KIFBP: variants seen among roughly 807,000 people sequenced by gnomAD.
KIFBP encodes KIF-binding protein.
KIFBP carries 46 observed loss-of-function variants against 58.9 expected under a neutral mutation model. That is an observed-to-expected ratio of 0.78 (90% CI 0.62 to 1.00). The LOEUF (loss-of-function observed/expected upper bound fraction) is 1.00, where lower values mean the gene tolerates loss of function less well. Ranked by LOEUF, KIFBP falls within the 50% of genes least tolerant of loss-of-function variation. The probability of loss-of-function intolerance (pLI) is 0.00; values close to 1 mark genes in which losing one functional copy is unlikely to be tolerated. For synonymous variants in KIFBP, 241 were observed against 283.4 expected (o/e 0.85, Z 1.50); for missense variants, 651 against 752.9 (o/e 0.86, Z 1.58).
chr10:69,013,479 T>TG, intron 6 of KIFBP, among the ~76,000 whole-genome samples: 1 of 152,054 alleles, frequency 6.6e-6, no homozygotes, highest in East Asian at 1.9e-4. Context: ...AAAGGAGGGT[T>TG]GCAGGGACTA....
At chr10:68,997,059 A>G (rs1843414862) in intron 1 of KIFBP, among the ~76,000 whole-genome samples, 1 of 152,168 alleles carries the variant, frequency 6.6e-6, no homozygotes, top group African/African-American at 2.4e-5. Flanking sequence ...TTCCGGCTTT[A>G]CAAAATATAT....
intron 6 of KIFBP, 183 bp from the exon 7 acceptor site, chr10:69,015,358 T>G: frequency 1.8e-6 from 1 of 565,662 alleles, no homozygotes; most frequent in Non-Finnish European, 3.1e-6. Context: ...ATTTCTTGAG[T>G]TTTTAATATA....
At chr10:68,996,389 C>T (rs1456535594) in intron 1 of KIFBP, among the ~76,000 whole-genome samples, 6 of 151,824 alleles carry the variant, frequency 4.0e-5, no homozygotes, top group Non-Finnish European at 8.8e-5. Context: ...GGCAAAACCC[C>T]GTCTCTACTA....
Position 68,989,101 on chromosome 10 carries a change from G to C in KIFBP, c.269G>C (p.Arg90Pro). ...GAGCCCGAGGGGCCCGTCGCCCAGC[G>C]AGCGGTGAGGCTGGCAGTCATCGAG... is the stretch of plus-strand genomic sequence containing the variant. ...VVEPEGPVAQ[R>P]AVRLAVIEFH... Residue 90 changes from arginine (R) to proline (P), a missense_variant, in exon 1 of 7, where the codon CGA (arginine) becomes CCA (proline). Arg to Pro is a moderately radical substitution (Grantham distance 103). Transcript: ENST00000361983. 6.2e-7 allele frequency: 1 copy of C among 1,610,706 alleles called. No homozygotes were observed. Among genetic ancestry groups the C allele is most frequent in the Non-Finnish European group, 8.5e-7 (1 of 1,177,920 alleles).
At chr10:69,002,990 T>G in intron 2 of KIFBP, among the ~76,000 whole-genome samples, 1 of 150,084 alleles carries the variant, frequency 6.7e-6, no homozygotes, top group East Asian at 1.9e-4. Context: ...GGAAGATTGC[T>G]TGATGCCAGG....
In KIFBP at chr10:68,988,812, A is replaced by G; in HGVS notation, c.-21A>G. The G allele has an allele frequency of 1.9e-6, 3 of 1,614,266 alleles. No individual in the cohort carries two copies. The highest frequency in any genetic ancestry group is 2.5e-6 in the Non-Finnish European group (3 of 1,180,046). ...AGTCCCGACTGCAAACATTGAGGAAAGCCAGGCAGTAGAGGCCGCTATGGC... is the reference window on the plus strand; with the variant it reads ...AGTCCCGACTGCAAACATTGAGGAAGGCCAGGCAGTAGAGGCCGCTATGGC... On this transcript the variant is annotated 5_prime_UTR_variant, in exon 1 of 7. Coordinates refer to ENST00000361983, the MANE Select transcript of KIFBP (RefSeq NM_015634.4).
intron 4 of KIFBP, among the ~76,000 whole-genome samples, chr10:69,006,502 T>G (rs1423240220): frequency 6.6e-6 from 1 of 152,192 alleles, no homozygotes; most frequent in African/African-American, 2.4e-5. Context: ...TCATAAAAAT[T>G]TAAAAAAGCA....
intron 6 of KIFBP, 170 bp from the exon 7 acceptor site, chr10:69,015,371 C>T (rs1200783442): frequency 3.6e-5 from 21 of 581,928 alleles, no homozygotes; most frequent in Non-Finnish European, 5.0e-5. Flanking sequence ...TTAATATAAT[C>T]GGAAGAAAGA....
chr10:68,993,445 A>G (rs575967381), intron 1 of KIFBP, among the ~76,000 whole-genome samples: 27 of 152,204 alleles, frequency 1.8e-4, no homozygotes, highest in Middle Eastern at 3.4e-3. Context: ...ATTAGGTATT[A>G]TTCCTTTTAA....
rs756876991 is a variant in KIFBP, at chr10:68,988,830, G to C, written c.-3G>C. ...TGAGGAAAGCCAGGCAGTAGAGGCC[G>C]CTATGGCGAACGTTCCGTGGGCAGA... is the stretch of plus-strand genomic sequence containing the variant. On this transcript the variant is annotated 5_prime_UTR_variant, in exon 1 of 7. Transcript: ENST00000361983. The C allele has an allele frequency of 4.3e-6, 7 of 1,614,258 alleles. No individual in the cohort carries two copies. Among genetic ancestry groups the C allele is most frequent in the Middle Eastern group, 1.6e-4 (1 of 6,062 alleles).
rs113759736 is a variant in KIFBP, at chr10:69,011,254, G to A, written c.990+239G>A. 25 of 457,936 alleles carry A rather than the reference G, an allele frequency of 5.5e-5. 1 individual carries two copies. Among genetic ancestry groups the A allele is most frequent in the African/African-American group, 2.4e-4 (12 of 50,662 alleles). The allele number at this position is 457,936 out of a possible 1,614,324, so 28.4% of individuals were successfully genotyped here. On this transcript the variant is annotated intron_variant, in intron 6 of 6. Coordinates refer to ENST00000361983, the MANE Select transcript of KIFBP (RefSeq NM_015634.4). ...TGCACTCCAGCCTGGGCAACAGAGC[G>A]AGACTCCATCTCTAAATAAATAAAT...
At chr10:68,990,617 A>C (rs1442138505) in intron 1 of KIFBP, among the ~76,000 whole-genome samples, 1 of 152,236 alleles carries the variant, frequency 6.6e-6, no homozygotes, top group African/African-American at 2.4e-5. Context: ...TGAAAAAAAG[A>C]AAAATACTTT....
chr10:69,015,731 A>G lies in KIFBP; in HGVS notation c.1181A>G (p.Glu394Gly). 1.2e-6 allele frequency: 2 copies of G among 1,614,204 alleles called. No homozygotes were observed. The highest frequency in any genetic ancestry group is 2.2e-5 in the East Asian group (1 of 44,890). ...CCTTTAGATTTTGAAGAAGCCAGAG[A>G]ACTTTTCTTATTGGGTCAGCACTAT... ...LRPLDFEEAR[E>G]LFLLGQHYVF... The change falls in exon 7 of 7, where the codon GAA (glutamate) becomes GGA (glycine). Residue 394 changes from glutamate (E) to glycine (G), a missense_variant. Glu to Gly is a moderately conservative substitution (Grantham distance 98). Transcript: ENST00000361983.
intron 6 of KIFBP, among the ~76,000 whole-genome samples, chr10:69,011,509 T>C (rs1019496195): frequency 6.7e-6 from 1 of 148,752 alleles, no homozygotes; most frequent in African/African-American, 2.5e-5. Flanking sequence ...TCCTCCCACC[T>C]CATCCTTGGA....
chr10:69,003,271 G>A (rs1050539806), intron 2 of KIFBP, among the ~76,000 whole-genome samples: 2 of 150,040 alleles, frequency 1.3e-5, no homozygotes, highest in African/African-American at 2.5e-5. Flanking sequence ...ATCTAGACAG[G>A]GGTAAGCATG....
rs1336717041 is a variant in KIFBP, at chr10:68,998,931, A to G, written c.427-1493A>G. Among the ~76,000 whole-genome samples the G allele has an allele frequency of 2.0e-5, 3 of 150,804 alleles. 1 individual carries two copies. ...GTTGGGATTACAGGCATCTGCCACC[A>G]CACTCGGCTAAATTTTTTTTGTATT... On this transcript the variant is annotated intron_variant, in intron 1 of 6. Transcript: ENST00000361983.
At chr10:68,991,636 G>T in intron 1 of KIFBP, 1 of 287,312 alleles carries the variant, frequency 3.5e-6, no homozygotes. Flanking sequence ...CCTTGAGCAG[G>T]CATTCAATAT....
intron 1 of KIFBP, among the ~76,000 whole-genome samples, chr10:68,998,616 C>T (rs572173897): frequency 6.6e-6 from 1 of 151,526 alleles, no homozygotes; most frequent in African/African-American, 2.4e-5. Context: ...AGAATTTCTG[C>T]ATTAAAAACT....
chr10:69,009,212 T>C (rs1287089936), intron 5 of KIFBP, among the ~76,000 whole-genome samples: 9 of 152,096 alleles, frequency 5.9e-5, no homozygotes, highest in Admixed American at 4.6e-4. Flanking sequence ...ATTCAAGAAA[T>C]GTAACATTGG....
Sources: allele counts gnomAD v4.1 joint callset (sites outside exome capture counted in the v4.1 genomes callset), GRCh38; gene constraint gnomAD v4.1.1; transcripts MANE v1.5; gene names NCBI Gene and HGNC (gene_info 2026-07-23, HGNC 2026-07-21).